Variants in TREML1 observed in about 807,000 individuals in gnomAD.
TREML1 encodes triggering receptor expressed on myeloid cells like 1.
In TREML1, 27 loss-of-function variants were observed where a neutral mutation model predicts 22.8. The ratio of observed to expected loss-of-function variants is 1.19; its 90% CI spans 0.87 to 1.64. The LOEUF is 1.64. TREML1 is among the 40% of genes most tolerant of loss of function. TREML1 has a pLI of 0.00. For missense variants in TREML1, 356 were observed against 382.0 expected (o/e 0.93, Z 0.57); for synonymous variants, 153 against 161.9 (o/e 0.94, Z 0.42).
At position 41,150,916 on chromosome 6, in the gene TREML1, C is replaced by A. The variant is rs779419362; in HGVS notation, c.480-9G>T. 1.9e-6 allele frequency: 3 copies of A among 1,613,582 alleles called. No homozygotes were observed. In the African/African-American group the frequency reaches 4.0e-5, roughly 22 times the overall value. Reference sequence around the variant, plus strand: ...CCCAGATCAAGGGGATGCTGAGGAACAGAAAGGGATAGGCAGGCTTAGACC... The same window carrying A: ...CCCAGATCAAGGGGATGCTGAGGAAAAGAAAGGGATAGGCAGGCTTAGACC... On this transcript the variant is annotated splice_polypyrimidine_tract_variant and intron_variant, in intron 3 of 5. Coordinates refer to ENST00000426005, the MANE Select transcript of TREML1 (RefSeq NM_178174.4).
At chr6:41,150,726 A>AG in intron 4 of TREML1, 93 bp downstream of exon 4, 1 of 1,140,700 alleles carries the variant, frequency 8.8e-7, no homozygotes, top group Admixed American at 1.8e-5. Flanking sequence ...ATCCATTTGT[A>AG]GGGGGATTGG....
upstream of TREML1, chr6:41,154,455 A>G (rs941954822): frequency 4.8e-6 from 3 of 625,862 alleles, no homozygotes; most frequent in Non-Finnish European, 8.5e-6. Context: ...TGGTTGGCTC[A>G]GTGCTCAGGA....
upstream of TREML1, chr6:41,154,447 G>T: frequency 1.5e-6 from 1 of 645,450 alleles, no homozygotes; most frequent in Non-Finnish European, 2.7e-6. Flanking sequence ...CCAAGCCCTG[G>T]TTGGCTCAGT....
rs1443461392 is a variant in TREML1, at chr6:41,153,802, C to T, written c.332G>A (p.Gly111Glu). ...EYGCMVDGAR[G>E]PQILHRVSLN... ...AGAGACTCTGTGCAAAATCTGGGGC[C>T]CCCTGGCCCCATCCACCATGCAGCC... The change falls in exon 2 of 6, where the codon GGG becomes GAG. Residue 111 changes from glycine (G) to glutamate (E), a missense_variant. Gly to Glu is a moderately conservative substitution (Grantham distance 98, BLOSUM62 -2). Transcript: ENST00000426005. The T allele has an allele frequency of 6.2e-7, 1 of 1,613,806 alleles. No individual in the cohort carries two copies. Among genetic ancestry groups the T allele is most frequent in the Admixed American group, 1.7e-5 (1 of 59,986 alleles).
rs769728548 is a variant in TREML1, at chr6:41,151,349, C to A, written c.412G>T (p.Ala138Ser). 1 of 1,614,088 alleles carries A rather than the reference C, an allele frequency of 6.2e-7. No individual in the cohort carries two copies. Among genetic ancestry groups the A allele is most frequent in the East Asian group, 2.2e-5 (1 of 44,894 alleles). The change falls in exon 3 of 6, where the codon GCT becomes TCT. Residue 138 changes from alanine to serine, a missense_variant. By Grantham distance (99) the Ala-to-Ser change is moderately conservative. Transcript: ENST00000426005. ...GCAGGGTCTGAGAATGCGTTCTCAG[C>A]CAGACTGCCAATCTTATGGGTCTCT... ...EEETHKIGSL[A>S]ENAFSDPAGS...
intron 2 of TREML1, among the ~76,000 whole-genome samples, chr6:41,153,327 A>G (rs1189323056): frequency 6.7e-6 from 1 of 149,948 alleles, no homozygotes; most frequent in Non-Finnish European, 1.5e-5. Context: ...TAATTAAGGT[A>G]TGAATTCCAT....
Position 41,151,285 on chromosome 6 carries a change from T to G in TREML1, c.476A>C (p.Lys159Thr), listed in dbSNP as rs756729925. 8.1e-6 allele frequency: 13 copies of G among 1,613,994 alleles called. No individual in the cohort carries two copies. The South Asian group carries it at 1.4e-4, about 18-fold the overall frequency. ...CCAAATCCAATCCTGTCAGTACCTC[T>G]TCTCATCCTGGCTGGGTTCCAAAGG... ...ANPLEPSQDE[K>T]SIPLIWGAVL... Residue 159 changes from lysine (K) to threonine (T), a missense_variant, in exon 3 of 6, where the codon AAG (lysine) becomes ACG (threonine). By Grantham distance (78) the Lys-to-Thr change is moderately conservative. Coordinates refer to ENST00000426005, the MANE Select transcript of TREML1 (RefSeq NM_178174.4).
rs751735802 is a variant in TREML1 at position 41,149,892 on chromosome 6, G to A, written c.648C>T (p.Val216=). 2 of 1,613,910 alleles carry A rather than the reference G, an allele frequency of 1.2e-6. No individual in the cohort carries two copies. Among genetic ancestry groups the A allele is most frequent in the Non-Finnish European group, 1.7e-6 (2 of 1,179,916 alleles). Reference sequence around the variant, plus strand: ...ATTCAGCAGCCGGTCCAGAGTCACTGACGTGGTGGACCACTGAGGAGGGAT... The same window carrying A: ...ATTCAGCAGCCGGTCCAGAGTCACTAACGTGGTGGACCACTGAGGAGGGAT... The part of the protein sequence containing the change: ...GMNPSSVVHH[V]SDSGPAAELP... The change falls in exon 6 of 6, where the codon GTC becomes GTT. Residue 216 remains valine, a synonymous_variant. Transcript: ENST00000426005.
At chr6:41,150,170 T>TAGGAC in intron 5 of TREML1, 91 bp downstream of exon 5, 1 of 1,445,022 alleles carries the variant, frequency 6.9e-7, no homozygotes, top group Admixed American at 1.9e-5. Context: ...GTCCCAGTCC[T>TAGGAC]TTCTCCACCC....
intron 2 of TREML1, among the ~76,000 whole-genome samples, chr6:41,153,501 C>T (rs576265287): frequency 1.3e-5 from 2 of 151,958 alleles, no homozygotes; most frequent in Non-Finnish European, 2.9e-5. Context: ...GAGGCCAAGT[C>T]CCTGGAGTGG....
At chr6:41,151,630 T>C (rs1765251278) in intron 2 of TREML1, 1 of 504,838 alleles carries the variant, frequency 2.0e-6, no homozygotes. Context: ...CTTTTCCCTC[T>C]ACCACCAGCT....
Position 41,154,229 on chromosome 6 carries a change from C to G in TREML1, c.43+17G>C, listed in dbSNP as rs1765363651. 6.2e-7 allele frequency: 1 copy of G among 1,612,662 alleles called. No homozygotes were observed. Among genetic ancestry groups the G allele is most frequent in the Admixed American group, 1.7e-5 (1 of 59,860 alleles). ...GAGCATATGGGGCCCAGAGCTGCAG[C>G]TCCTCCTGAACCTTACCTTCTAGTC... is the stretch of plus-strand genomic sequence containing the variant. On this transcript the variant is annotated intron_variant, in intron 1 of 5. Transcript: ENST00000426005.
Position 41,154,056 on chromosome 6 carries a change from CA to C in TREML1, c.77del (p.Leu26ArgfsTer95). On this transcript the variant is annotated frameshift_variant, in exon 2 of 6. Transcript: ENST00000426005. LOFTEE classifies it high-confidence loss of function. ...GAATGGAGCTTCCCACGGGTGCCTG[CA>C]GCACCTCAGGGAGGCTGCCAACTAT... ...QGIVGSLPEV[L>X]QAPVGSSILV... is the part of the protein sequence containing the mutation. The C allele has an allele frequency of 6.2e-7, 1 of 1,613,902 alleles. No individual in the cohort carries two copies. The highest frequency in any genetic ancestry group is 8.5e-7 in the Non-Finnish European group (1 of 1,179,988).
At chr6:41,155,273 T>C (rs1033406738), upstream of TREML1, among the ~76,000 whole-genome samples, 2 of 152,174 alleles carry the variant, frequency 1.3e-5, no homozygotes, top group Non-Finnish European at 2.9e-5. Context: ...CAAGTTTTGC[T>C]GAAGGGTGAT....
chr6:41,154,405 G>A (rs917681059), upstream of TREML1: 5 of 819,288 alleles, frequency 6.1e-6, no homozygotes, highest in Non-Finnish European at 1.0e-5. Flanking sequence ...GGAAATGATG[G>A]GCACCTCCAG....
At chr6:41,153,706 G>A (rs774953329) in intron 2 of TREML1, 52 bp downstream of exon 2, 60 of 1,512,130 alleles carry the variant, frequency 4.0e-5, no homozygotes, top group African/African-American at 1.1e-4. Context: ...GGCAATAGGC[G>A]GGGGTGGGGA....
upstream of TREML1, chr6:41,154,444 C>G (rs181111972): frequency 3.1e-6 from 2 of 653,158 alleles, no homozygotes; most frequent in African/African-American, 3.6e-5. Flanking sequence ...CTTCCAAGCC[C>G]TGGTTGGCTC....
rs1199031722 is a variant in TREML1 at position 41,149,587 on chromosome 6, A to C, written c.*17T>G. ...CCCTAGGGATGGTCCTCATGAGTTT[A>C]AAGTGTGATGAGCAGCTTAGCTGGA... On this transcript the variant is annotated 3_prime_UTR_variant, in exon 6 of 6. Transcript: ENST00000426005. The C allele has an allele frequency of 6.3e-7, 1 of 1,596,912 alleles. No homozygotes were observed. Among genetic ancestry groups the C allele is most frequent in the Admixed American group, 1.7e-5 (1 of 59,326 alleles).
At chr6:41,150,448 C>A in intron 4 of TREML1, 135 bp from the exon 5 acceptor site, 1 of 781,666 alleles carries the variant, frequency 1.3e-6, no homozygotes, top group Non-Finnish European at 2.0e-6. Context: ...ACCACCAAAC[C>A]TTTACCCCTT....
Sources: allele counts gnomAD v4.1 joint callset (sites outside exome capture counted in the v4.1 genomes callset), GRCh38; gene constraint gnomAD v4.1.1; transcripts MANE v1.5; gene names NCBI Gene and HGNC (gene_info 2026-07-23, HGNC 2026-07-21).